The following NMT2 variants were observed in gnomAD, a reference collection of about 807,000 sequenced individuals.
NMT2 encodes the protein N-myristoyltransferase 2.
NMT2 carries 35 observed loss-of-function variants against 65.4 expected under a neutral mutation model. That is an observed-to-expected ratio of 0.54 (90% CI 0.41 to 0.71). The LOEUF is 0.71. Ranked by LOEUF, NMT2 falls within the 30% of genes least tolerant of loss-of-function variation. The probability of loss-of-function intolerance (pLI) is 0.00; values close to 1 mark genes in which losing one functional copy is unlikely to be tolerated. For synonymous variants in NMT2, 226 were observed against 231.8 expected, an observed-to-expected ratio of 0.98 and a Z score of 0.23; for missense variants, 489 against 611.3, an observed-to-expected ratio of 0.80 and a Z score of 2.11.
chr10:15,132,399 G>A (rs1005557434), intron 6 of NMT2, among the ~76,000 whole-genome samples: 2 of 151,854 alleles, frequency 1.3e-5, no homozygotes, highest in South Asian at 2.1e-4. Context: ...CCTGATCACC[G>A]GACAGCTTGC....
intron 1 of NMT2, among the ~76,000 whole-genome samples, chr10:15,157,611 A>T (rs1833045747): frequency 6.6e-6 from 1 of 152,210 alleles, no homozygotes; most frequent in South Asian, 2.1e-4. Context: ...GCCATGAAAG[A>T]AGCAAAAAAG....
chr10:15,107,495 C>G lies in NMT2; in HGVS notation c.*1700G>C. 1.0e-6 allele frequency: 1 copy of G among 955,844 alleles called. No individual in the cohort carries two copies. The highest frequency in any genetic ancestry group is 1.2e-6 in the Non-Finnish European group (1 of 802,884). The allele number at this position is 955,844 out of a possible 1,614,324, so 59.2% of individuals were successfully genotyped here. ...TGAGACGGAGTCTTGCACTGTCACC[C>G]AGGCTGGAGTGCAGTGGCACGATCT... On this transcript the variant is annotated 3_prime_UTR_variant, in exon 12 of 12. Transcript: ENST00000378165.
At chr10:15,136,827 CTTT>C (rs113306321) in intron 2 of NMT2, among the ~76,000 whole-genome samples, 4,962 of 142,604 alleles carry the variant, frequency 0.035, 137 homozygotes, top group African/African-American at 0.074. Flanking sequence ...TTCCCCAGTT[CTTT>C]TTTTTTTTTT....
intron 1 of NMT2, among the ~76,000 whole-genome samples, chr10:15,163,274 C>A (rs1833262827): frequency 6.6e-6 from 1 of 152,138 alleles, no homozygotes; most frequent in African/African-American, 2.4e-5. Flanking sequence ...TCAAAGAAAA[C>A]AACAATCAAT....
chr10:15,156,046 T>C (rs1263318994), intron 1 of NMT2, among the ~76,000 whole-genome samples: 1 of 152,206 alleles, frequency 6.6e-6, no homozygotes, highest in Non-Finnish European at 1.5e-5. Flanking sequence ...TTCCATTGAA[T>C]ATTTTTGAAC....
At chr10:15,123,529 CAGAAA>C (rs1845988921) in intron 8 of NMT2, among the ~76,000 whole-genome samples, 1 of 40,028 alleles carries the variant, frequency 2.5e-5, no homozygotes, top group African/African-American at 1.1e-4. Flanking sequence ...CTTCGTCTCA[CAGAAA>C]AAAAAAAAAA....
At position 15,141,469 on chromosome 10, in the gene NMT2, C is replaced by A. The variant is rs746285395; in HGVS notation, c.199G>T (p.Asp67Tyr). The A allele has an allele frequency of 6.2e-6, 10 of 1,614,220 alleles. No individual in the cohort carries two copies. The highest frequency in any genetic ancestry group is 8.5e-6 in the Non-Finnish European group (10 of 1,180,046). The change falls in exon 2 of 12, where the codon GAC becomes TAC. Residue 67 changes from aspartate (D) to tyrosine (Y), a missense_variant. Transcript: ENST00000378165. ...EKPNSGGTKSDSASDSQEIKI... is the reference protein window; with the variant it reads ...EKPNSGGTKSYSASDSQEIKI... ...ATCTCCTGGGAATCAGATGCCGAGT[C>A]TGACTTGGTGCCTCCGGAATTTGGT...
intron 2 of NMT2, among the ~76,000 whole-genome samples, chr10:15,139,323 C>T (rs1846645012): frequency 6.6e-6 from 1 of 150,884 alleles, no homozygotes; most frequent in Non-Finnish European, 1.5e-5. Context: ...TAGTTCTGTC[C>T]CTCTAGAGAA....
At chr10:15,128,069 G>A (rs953003018) in intron 8 of NMT2, among the ~76,000 whole-genome samples, 1 of 152,130 alleles carries the variant, frequency 6.6e-6, no homozygotes, top group Non-Finnish European at 1.5e-5. Flanking sequence ...TTACTTAACA[G>A]ACCATAAATT....
intron 1 of NMT2, among the ~76,000 whole-genome samples, chr10:15,163,485 T>A (rs1007788410): frequency 6.6e-6 from 1 of 152,218 alleles, no homozygotes; most frequent in African/African-American, 2.4e-5. Flanking sequence ...CTTGATCATT[T>A]CAAACAGTAG....
chr10:15,159,806 A>C (rs2131627921), intron 1 of NMT2, among the ~76,000 whole-genome samples: 1 of 152,278 alleles, frequency 6.6e-6, no homozygotes, highest in African/African-American at 2.4e-5. Flanking sequence ...CACATCTCCC[A>C]TTTGTGATTG....
chr10:15,154,086 G>A (rs1335326580), intron 1 of NMT2, among the ~76,000 whole-genome samples: 2 of 152,208 alleles, frequency 1.3e-5, no homozygotes, highest in Admixed American at 6.5e-5. Flanking sequence ...GGGAATTTGT[G>A]CCCTAAAATG....
At chr10:15,134,877 G>A (rs947486438) in intron 3 of NMT2, among the ~76,000 whole-genome samples, 3 of 152,028 alleles carry the variant, frequency 2.0e-5, no homozygotes, top group Admixed American at 2.0e-4. Flanking sequence ...AGATACATGG[G>A]AGGCTGACAT....
chr10:15,130,703 C>CAAAA (rs974360507), intron 6 of NMT2, among the ~76,000 whole-genome samples: 87 of 28,608 alleles, frequency 3.0e-3, no homozygotes, highest in African/African-American at 5.3e-3. Flanking sequence ...GGCCCTGTCT[C>CAAAA]AAAAAAAAAA....
At chr10:15,135,821 G>C (rs1846466266) in intron 2 of NMT2, among the ~76,000 whole-genome samples, 1 of 151,956 alleles carries the variant, frequency 6.6e-6, no homozygotes, top group Non-Finnish European at 1.5e-5. Context: ...GAGCAACGAG[G>C]GGATGAAGGA....
At chr10:15,164,759 C>T (rs1032473182) in intron 1 of NMT2, among the ~76,000 whole-genome samples, 2 of 152,140 alleles carry the variant, frequency 1.3e-5, no homozygotes, top group African/African-American at 4.8e-5. Context: ...TCCTCCAGGC[C>T]GGGCACCATG....
chr10:15,137,090 C>T (rs1051656400), intron 2 of NMT2, among the ~76,000 whole-genome samples: 1 of 152,132 alleles, frequency 6.6e-6, no homozygotes, highest in Non-Finnish European at 1.5e-5. Flanking sequence ...GTACAATCGA[C>T]CCTTAGAAGT....
intron 8 of NMT2, among the ~76,000 whole-genome samples, chr10:15,127,546 C>CAAAAA (rs1239422956): frequency 1.4e-3 from 71 of 51,310 alleles, no homozygotes; most frequent in South Asian, 3.0e-3. Flanking sequence ...GACTCCGTCT[C>CAAAAA]AAAAAAAAAA....
intron 9 of NMT2, among the ~76,000 whole-genome samples, 154 bp downstream of exon 9, chr10:15,119,189 G>C (rs1415213633): frequency 6.6e-6 from 1 of 152,196 alleles, no homozygotes; most frequent in African/African-American, 2.4e-5. Flanking sequence ...AGAGTATTCA[G>C]AATTATTAAT....
Sources: allele counts gnomAD v4.1 joint callset (sites outside exome capture counted in the v4.1 genomes callset), GRCh38; gene constraint gnomAD v4.1.1; transcripts MANE v1.5; gene names NCBI Gene and HGNC (gene_info 2026-07-23, HGNC 2026-07-21).